Variants in ACAP3 observed in about 807,000 individuals in gnomAD.
ACAP3 encodes the protein arf-GAP with coiled-coil, ANK repeat and PH domain-containing protein 3.
In ACAP3, 56 loss-of-function variants were observed where a neutral mutation model predicts 104.1. The observed-to-expected ratio is 0.54, with a 90% confidence interval of 0.43 to 0.67. The LOEUF (loss-of-function observed/expected upper bound fraction) is 0.67. ACAP3 is among the 30% of genes least tolerant of loss of function. ACAP3 has a pLI of 0.00. For missense variants in ACAP3, 1,208 were observed against 1,174.9 expected (o/e 1.03, Z -0.41); for synonymous variants, 628 against 496.2 (o/e 1.27, Z -3.53).
At chr1:1,306,892 C>G (rs1281827834) in intron 1 of ACAP3, among the ~76,000 whole-genome samples, 1 of 152,218 alleles carries the variant, frequency 6.6e-6, no homozygotes, top group African/African-American at 2.4e-5. Context: ...TGTGTGCACA[C>G]GCTTGCGTGC....
chr1:1,294,045 A>G, intron 22 of ACAP3, 45 bp downstream of exon 22: 3 of 1,508,750 alleles, frequency 2.0e-6, no homozygotes, highest in South Asian at 1.3e-5. Context: ...GGGCCGGGGT[A>G]GGCGTGGTCG....
At chr1:1,297,036 C>T (rs909119932) in intron 14 of ACAP3, among the ~76,000 whole-genome samples, 2 of 151,750 alleles carry the variant, frequency 1.3e-5, no homozygotes, top group Non-Finnish European at 2.9e-5. Flanking sequence ...CCAGCACACA[C>T]CCAGCTTGCA....
In ACAP3 at chr1:1,294,013, G is replaced by C. The variant is rs900085012; in HGVS notation, c.2249+77C>G. ...GGTCGCGGGGGCGTGGCCGGATAGG[G>C]CATGGCGGACAGGGCGTAGCCGGGC... On this transcript the variant is annotated intron_variant, in intron 22 of 23. Coordinates refer to ENST00000354700, the MANE Select transcript of ACAP3 (RefSeq NM_030649.3). 12 of 1,476,172 alleles carry C rather than the reference G, an allele frequency of 8.1e-6. No individual in the cohort carries two copies. In the South Asian group the frequency reaches 1.5e-4, roughly 18 times the overall value. The allele number at this position is 1,476,172 out of a possible 1,614,324, so 91.4% of individuals were successfully genotyped here.
At chr1:1,299,207 A>T (rs2100444515) in intron 10 of ACAP3, 138 bp downstream of exon 10, 1 of 1,166,170 alleles carries the variant, frequency 8.6e-7, no homozygotes, top group Non-Finnish European at 1.2e-6. Context: ...AGCCCCTCAC[A>T]GCCGCATCAG....
Position 1,298,658 on chromosome 1 carries a change from T to C in ACAP3, c.772A>G (p.Lys258Glu). 6.2e-7 allele frequency: 1 copy of C among 1,612,490 alleles called. No homozygotes were observed. Among genetic ancestry groups the C allele is most frequent in the Non-Finnish European group, 8.5e-7 (1 of 1,179,772 alleles). The change falls in exon 11 of 24, where the codon AAA becomes GAA. Residue 258 changes from lysine (K) to glutamate (E), a missense_variant. Physicochemically the swap from Lys to Glu is moderately conservative, Grantham distance 56. Transcript: ENST00000354700. ...GGCGCGTCCACGTCAAACTCCACTT[T>C]GGACTCATCGTAGGAGAAGTCCTGG... ...LLQDFSYDES[K>E]VEFDVDAPSG...
chr1:1,294,775 T>C lies in ACAP3; in HGVS notation c.1855A>G (p.Ser619Gly). ...DSGLGGSSDG[S>G]SDVLAFGSGS... ...GAGCCGAAAGCCAGGACGTCCGAGC[T>C]GCCATCCGAGCTGCCCCCAAGGCCA... Residue 619 changes from serine (S) to glycine (G), a missense_variant, in exon 20 of 24, where the codon AGC becomes GGC. By Grantham distance (56) the Ser-to-Gly change is moderately conservative (BLOSUM62 0). Coordinates refer to ENST00000354700, the MANE Select transcript of ACAP3 (RefSeq NM_030649.3). The C allele has an allele frequency of 6.5e-7, 1 of 1,549,718 alleles. No individual in the cohort carries two copies. The highest frequency in any genetic ancestry group is 8.7e-7 in the Non-Finnish European group (1 of 1,146,582).
At chr1:1,294,239 G>A (rs1325584647) in intron 21 of ACAP3, 40 bp from the exon 22 acceptor site, 1 of 1,539,666 alleles carries the variant, frequency 6.5e-7, no homozygotes, top group Non-Finnish European at 8.8e-7. Context: ...CACGGCACCG[G>A]CCCCTCTCCG....
In ACAP3 at chr1:1,303,729, T is replaced by C. The variant is rs1232005101; in HGVS notation, c.105+357A>G. ...GGACACGGCTCCCCCCTCCACGGCCTGTTGCCCCCTCCCCTTTCTCAGCCC... is the reference window on the plus strand; with the variant it reads ...GGACACGGCTCCCCCCTCCACGGCCCGTTGCCCCCTCCCCTTTCTCAGCCC... On this transcript the variant is annotated intron_variant, in intron 2 of 23. Coordinates refer to ENST00000354700, the MANE Select transcript of ACAP3 (RefSeq NM_030649.3). The surrounding 1 kb of genome is among the most constrained non-coding windows in gnomAD (Gnocchi z 4.0). 1.4e-5 allele frequency: 6 copies of C among 422,150 alleles called. No homozygotes were observed. The highest frequency in any genetic ancestry group is 2.2e-5 in the Non-Finnish European group (5 of 230,772). 26.2% of individuals were successfully genotyped at this position (422,150 alleles called of 1,614,324 possible). A position where few individuals can be genotyped will look rare whatever the true frequency, so the allele number is the denominator to read the frequency against.
chr1:1,306,203 G>A (rs921431978), intron 1 of ACAP3, among the ~76,000 whole-genome samples: 1 of 152,154 alleles, frequency 6.6e-6, no homozygotes, highest in Non-Finnish European at 1.5e-5. Context: ...CCTGTAACAG[G>A]CTCCCATGAG....
At chr1:1,302,260 C>T (rs1347459245) in intron 4 of ACAP3, among the ~76,000 whole-genome samples, 1 of 152,114 alleles carries the variant, frequency 6.6e-6, no homozygotes, top group Non-Finnish European at 1.5e-5. Flanking sequence ...CCCTCTGTCC[C>T]ACCTGGCCCT....
rs574667557 is a variant in ACAP3, at chr1:1,295,410, C to G, written c.1813+37G>C. The G allele has an allele frequency of 2.3e-5, 36 of 1,594,768 alleles. No individual in the cohort carries two copies. In the South Asian group the frequency reaches 4.0e-4, roughly 18 times the overall value. On this transcript the variant is annotated intron_variant, in intron 19 of 23. Coordinates refer to ENST00000354700, the MANE Select transcript of ACAP3 (RefSeq NM_030649.3). Reference sequence around the variant, plus strand: ...ACCCTTCAGGCCAGCCTCCTTGGCCCTGCCCTGCCACCTGGCTGGGCCCAC... The same window carrying G: ...ACCCTTCAGGCCAGCCTCCTTGGCCGTGCCCTGCCACCTGGCTGGGCCCAC...
chr1:1,295,944 C>T lies in ACAP3; in HGVS notation c.1503-6G>A. ...TCCAGGCCTCCTTGTCCTGCCTGGACCAGGGGGGAACATGAGGCTGTGCCC... is the reference window on the plus strand; with the variant it reads ...TCCAGGCCTCCTTGTCCTGCCTGGATCAGGGGGGAACATGAGGCTGTGCCC... On this transcript the variant is annotated splice_polypyrimidine_tract_variant and splice_region_variant and intron_variant, in intron 17 of 23. Transcript: ENST00000354700. 1 of 1,612,588 alleles carries T rather than the reference C, an allele frequency of 6.2e-7. No individual in the cohort carries two copies.
intron 14 of ACAP3, among the ~76,000 whole-genome samples, chr1:1,297,056 C>T (rs955109935): frequency 6.6e-6 from 1 of 152,276 alleles, no homozygotes; most frequent in African/African-American, 2.4e-5. Context: ...AGGAGCCACA[C>T]ACAGGCGTGT....
chr1:1,306,609 G>A (rs921033445), intron 1 of ACAP3, among the ~76,000 whole-genome samples: 9 of 152,112 alleles, frequency 5.9e-5, no homozygotes, highest in Admixed American at 2.0e-4. Context: ...GAGGCTCCCC[G>A]TGCCTCCACA....
chr1:1,296,975 C>T (rs1022589724), intron 14 of ACAP3, among the ~76,000 whole-genome samples: 1 of 152,250 alleles, frequency 6.6e-6, no homozygotes, highest in Non-Finnish European at 1.5e-5. Flanking sequence ...GCAGATGGTA[C>T]CTGCACACAC....
chr1:1,304,200 T>C, intron 1 of ACAP3, 57 bp from the exon 2 acceptor site: 1 of 1,542,754 alleles, frequency 6.5e-7, no homozygotes, highest in South Asian at 1.2e-5. Context: ...CCTCGGGGCT[T>C]CACCTCCCCC....
rs967193971 is a variant in ACAP3, at chr1:1,307,765, G to A, written c.47+4C>T. 6.1e-4 allele frequency: 668 copies of A among 1,099,450 alleles called. 2 individuals are homozygous for A. The highest frequency in any genetic ancestry group is 7.3e-4 in the Non-Finnish European group (659 of 903,590). 68.1% of individuals were successfully genotyped at this position (1,099,450 alleles called of 1,614,324 possible). On this transcript the variant is annotated splice_donor_region_variant and intron_variant, in intron 1 of 23. Coordinates refer to ENST00000354700, the MANE Select transcript of ACAP3 (RefSeq NM_030649.3). ...GCCCACCCCGGCGGCCCCGGGCGGC[G>A]CACCTGAAGCGCGGGGAGTCCTTGA...
At chr1:1,296,170 C>CA in intron 16 of ACAP3, 41 bp downstream of exon 16, 1 of 1,603,650 alleles carries the variant, frequency 6.2e-7, no homozygotes, top group South Asian at 1.1e-5. Context: ...CTCCCGCCCC[C>CA]ACAAACGGGG....
chr1:1,298,717 A>G (rs774655968), intron 10 of ACAP3, 38 bp from the exon 11 acceptor site: 1 of 1,491,474 alleles, frequency 6.7e-7, no homozygotes, highest in South Asian at 1.1e-5. Context: ...TGCCCACCCC[A>G]GGGGCCCTGC....
Sources: allele counts gnomAD v4.1 joint callset (sites outside exome capture counted in the v4.1 genomes callset), GRCh38; gene constraint gnomAD v4.1.1; non-coding constraint Gnocchi (gnomAD v3.1); transcripts MANE v1.5; gene names NCBI Gene and HGNC (gene_info 2026-07-23, HGNC 2026-07-21).